The following RNF220 variants were observed in gnomAD, a reference collection of about 807,000 sequenced individuals.
The protein encoded by RNF220 is E3 ubiquitin-protein ligase RNF220.
A neutral mutation model predicts 67.1 loss-of-function variants in RNF220; 7 were observed. That is an observed-to-expected ratio of 0.10 (90% CI 0.06 to 0.20). The LOEUF (loss-of-function observed/expected upper bound fraction) is 0.20. Ranked by LOEUF, RNF220 falls within the 10% of genes least tolerant of loss-of-function variation. The pLI is 1.00. For synonymous variants in RNF220, 270 were observed against 283.2 expected (o/e 0.95, Z 0.47); for missense variants, 565 against 740.3 (o/e 0.76, Z 2.75).
intron 7 of RNF220, 168 bp downstream of exon 7, chr1:44,635,756 G>A (rs1573146369): frequency 6.9e-7 from 1 of 1,458,982 alleles, no homozygotes; most frequent in Non-Finnish European, 9.1e-7. Flanking sequence ...GGCTCTTGGG[G>A]TCTCCATGTG....
intron 3 of RNF220, among the ~76,000 whole-genome samples, chr1:44,617,505 T>C (rs1643607257): frequency 6.6e-6 from 1 of 152,264 alleles, no homozygotes; most frequent in African/African-American, 2.4e-5. Context: ...GGGTGCGTGA[T>C]AAATTCCCAA....
chr1:44,451,899 G>A (rs1007672765), intron 2 of RNF220, among the ~76,000 whole-genome samples: 8 of 152,204 alleles, frequency 5.3e-5, no homozygotes, highest in African/African-American at 1.2e-4. Context: ...GATTACAGGC[G>A]TGAGCCACCG....
intron 2 of RNF220, among the ~76,000 whole-genome samples, chr1:44,593,460 C>T (rs1666255233): frequency 6.6e-6 from 1 of 152,214 alleles, no homozygotes; most frequent in African/African-American, 2.4e-5. Flanking sequence ...GGTGGTGCCT[C>T]ATGTCTGTAA....
At chr1:44,425,612 T>G (rs1019839159) in intron 2 of RNF220, among the ~76,000 whole-genome samples, 13 of 152,220 alleles carry the variant, frequency 8.5e-5, no homozygotes, top group African/African-American at 3.1e-4. Context: ...GCTCTGGGCC[T>G]GTCATTTACT....
intron 2 of RNF220, among the ~76,000 whole-genome samples, chr1:44,418,249 GAGA>G (rs1209058154): frequency 6.6e-6 from 1 of 152,174 alleles, no homozygotes; most frequent in Admixed American, 6.5e-5. Context: ...GTTCTGCCTG[GAGA>G]AGGAGGGATG....
At chr1:44,589,676 A>T (rs2148367174) in intron 2 of RNF220, among the ~76,000 whole-genome samples, 1 of 151,790 alleles carries the variant, frequency 6.6e-6, no homozygotes, top group East Asian at 1.9e-4. Flanking sequence ...TCTTGACCTC[A>T]CTTAGGTTTC....
intron 2 of RNF220, among the ~76,000 whole-genome samples, chr1:44,449,356 A>G (rs776674312): frequency 1.3e-5 from 2 of 152,210 alleles, no homozygotes; most frequent in Non-Finnish European, 2.9e-5. Flanking sequence ...TCTGGTAATG[A>G]TACCATTATC....
At chr1:44,486,239 G>T (rs1770792) in intron 2 of RNF220, among the ~76,000 whole-genome samples, 147,654 of 151,896 alleles carry the variant, frequency 0.97, 71,904 homozygotes, top group East Asian at 1. Context: ...AAAGGGGGGG[G>T]CCTTTGGGCG....
At chr1:44,415,504 T>TATAC (rs1553211733) in intron 2 of RNF220, among the ~76,000 whole-genome samples, 3,284 of 150,932 alleles carry the variant, frequency 0.022, 85 homozygotes, top group African/African-American at 0.07. Context: ...ATGGTTGATA[T>TATAC]ACACACACAC....
chr1:44,598,141 A>C (rs977584370), intron 2 of RNF220, among the ~76,000 whole-genome samples: 2 of 151,336 alleles, frequency 1.3e-5, no homozygotes, highest in Non-Finnish European at 2.9e-5. Context: ...TTGAATGGTC[A>C]TGTGGACTTT....
At chr1:44,544,737 C>A (rs1661981190) in intron 2 of RNF220, among the ~76,000 whole-genome samples, 1 of 152,254 alleles carries the variant, frequency 6.6e-6, no homozygotes, top group African/African-American at 2.4e-5. Context: ...TTGTTTCTAG[C>A]AGTGGGCTGC....
intron 6 of RNF220, 103 bp downstream of exon 6, chr1:44,632,488 G>T (rs533822471): frequency 6.8e-6 from 8 of 1,179,994 alleles, no homozygotes. Flanking sequence ...CGACTCTGGG[G>T]CCCGTTGGCT....
chr1:44,437,252 G>A (rs192180243), intron 2 of RNF220, among the ~76,000 whole-genome samples: 86 of 152,288 alleles, frequency 5.6e-4, no homozygotes, highest in African/African-American at 1.9e-3. Flanking sequence ...CTGTGGGTGG[G>A]CCAACTGCAT....
At chr1:44,445,324 T>C (rs1199090091) in intron 2 of RNF220, among the ~76,000 whole-genome samples, 1 of 152,210 alleles carries the variant, frequency 6.6e-6, no homozygotes, top group Non-Finnish European at 1.5e-5. Flanking sequence ...TCTCAAACAC[T>C]TTGATTCCAT....
chr1:44,614,318 C>G (rs1159800011), intron 3 of RNF220, 21 bp downstream of exon 3: 1 of 1,611,752 alleles, frequency 6.2e-7, no homozygotes, highest in Admixed American at 1.7e-5. Flanking sequence ...TCCCAGGGAG[C>G]CTGCCTGCTG....
rs1312536947 is a variant in RNF220, at chr1:44,453,058, G to C, written c.625+40336G>C. On this transcript the variant is annotated intron_variant, in intron 2 of 14. Coordinates refer to ENST00000361799, the MANE Select transcript of RNF220 (RefSeq NM_018150.4). The stretch of plus-strand genomic sequence containing the variant: ...AATCTTGGACATATTGGTGAGTTTA[G>C]TTGCATGTATTTTACAGTTTGCTTG... Among the ~76,000 whole-genome samples, 3 of 152,044 alleles carry C rather than the reference G, an allele frequency of 2.0e-5. 1 individual carries two copies. The highest frequency in any genetic ancestry group is 4.1e-4 in the South Asian group (2 of 4,828).
At chr1:44,480,407 A>AAATT (rs960194753) in intron 2 of RNF220, among the ~76,000 whole-genome samples, 7 of 151,958 alleles carry the variant, frequency 4.6e-5, no homozygotes, top group South Asian at 4.2e-4. Flanking sequence ...TCTGTCTCAA[A>AAATT]AATTAATTAA....
At chr1:44,573,935 A>C (rs1664626045) in intron 2 of RNF220, among the ~76,000 whole-genome samples, 1 of 151,816 alleles carries the variant, frequency 6.6e-6, no homozygotes, top group Admixed American at 6.6e-5. Flanking sequence ...GCAACACGGC[A>C]CAACCCCATC....
chr1:44,405,398 G>T lies in RNF220; in HGVS notation c.-250G>T. The T allele has an allele frequency of 1.6e-6, 1 of 630,332 alleles. No individual in the cohort carries two copies. Among genetic ancestry groups the T allele is most frequent in the South Asian group, 1.7e-5 (1 of 59,696 alleles). 39.0% of individuals were successfully genotyped at this position (630,332 alleles called of 1,614,324 possible). A position where few individuals can be genotyped will look rare whatever the true frequency, so the allele number is the denominator to read the frequency against. ...GCCTACTGCTGCTGCTGCTGCTGCCGCTGCCGCCGCCGCCGCCGCCGCTGC... is the reference window on the plus strand; with the variant it reads ...GCCTACTGCTGCTGCTGCTGCTGCCTCTGCCGCCGCCGCCGCCGCCGCTGC... On this transcript the variant is annotated 5_prime_UTR_variant, in exon 1 of 15. Coordinates refer to ENST00000361799, the MANE Select transcript of RNF220 (RefSeq NM_018150.4).
Sources: allele counts gnomAD v4.1 joint callset (sites outside exome capture counted in the v4.1 genomes callset), GRCh38; gene constraint gnomAD v4.1.1; transcripts MANE v1.5; gene names NCBI Gene and HGNC (gene_info 2026-07-23, HGNC 2026-07-21).